Variants in FKBP10 observed in about 807,000 individuals in gnomAD.
The protein encoded by FKBP10 is peptidyl-prolyl cis-trans isomerase FKBP10.
Under a neutral mutation model 53.7 loss-of-function variants are expected in FKBP10, and 34 were observed. The ratio of observed to expected loss-of-function variants is 0.63; its 90% CI spans 0.48 to 0.84. The LOEUF is 0.84. FKBP10 is among the 40% of genes least tolerant of loss of function. The pLI is 0.00. For synonymous variants in FKBP10, 324 were observed against 335.7 expected, an observed-to-expected ratio of 0.97 and a Z score of 0.38; for missense variants, 748 against 797.8, an observed-to-expected ratio of 0.94 and a Z score of 0.75.
At chr17:41,816,989 A>G in intron 1 of FKBP10, 69 bp from the exon 2 acceptor site, 2 of 1,610,310 alleles carry the variant, frequency 1.2e-6, no homozygotes, top group Non-Finnish European at 1.7e-6. Flanking sequence ...ACACCTGTGC[A>G]TCTGTGCCAC....
At position 41,818,097 on chromosome 17, in the gene FKBP10, A is replaced by C. The variant is rs781841817; in HGVS notation, c.400A>C (p.Ile134Leu). 6 of 1,609,920 alleles carry C rather than the reference A, an allele frequency of 3.7e-6. No individual in the cohort carries two copies. The highest frequency in any genetic ancestry group is 5.1e-6 in the Non-Finnish European group (6 of 1,178,218). ...GYGSIGLAGL[I>L]PPDATLYFDV... Reference sequence around the variant, plus strand: ...CTGCTGCGCTCTCACAGCGGGGCTCATTCCACCGGATGCCACCCTCTACTT... The same window carrying C: ...CTGCTGCGCTCTCACAGCGGGGCTCCTTCCACCGGATGCCACCCTCTACTT... Residue 134 changes from isoleucine to leucine, a missense_variant, in exon 3 of 10, where the codon ATT becomes CTT. Transcript: ENST00000321562.
At chr17:41,817,697 C>T (rs905653841) in intron 2 of FKBP10, among the ~76,000 whole-genome samples, 26 of 150,714 alleles carry the variant, frequency 1.7e-4, no homozygotes, top group African/African-American at 5.4e-4. Context: ...GGTGCGATCT[C>T]GGCTCACTGC....
Position 41,818,110 on chromosome 17 carries a change from C to T in FKBP10, c.413C>T (p.Ala138Val), listed in dbSNP as rs1555616345. ...ACAGCGGGGCTCATTCCACCGGATG[C>T]CACCCTCTACTTCGATGTGGTTCTG... ...IGLAGLIPPD[A>V]TLYFDVVLLD... Residue 138 changes from alanine to valine, a missense_variant, in exon 3 of 10, where the codon GCC becomes GTC. Coordinates refer to ENST00000321562, the MANE Select transcript of FKBP10 (RefSeq NM_021939.4). The T allele has an allele frequency of 1.2e-6, 2 of 1,612,264 alleles. No homozygotes were observed. The highest frequency in any genetic ancestry group is 2.2e-5 in the East Asian group (1 of 44,824).
Position 41,822,236 on chromosome 17 carries a change from T to A in FKBP10, c.1577T>A (p.Ile526Asn), listed in dbSNP as rs782710515. 5 of 1,612,908 alleles carry A rather than the reference T, an allele frequency of 3.1e-6. No individual in the cohort carries two copies. In the East Asian group the frequency reaches 1.1e-4, roughly 36 times the overall value. ...EVPPEEFSTF[I>N]KAQVSEGKGR... is the part of the protein sequence containing the mutation. Reference sequence around the variant, plus strand: ...CCCCTGCCCCAGTTCTCCACCTTCATCAAGGCTCAAGTGAGTGAGGGCAAA... The same window carrying A: ...CCCCTGCCCCAGTTCTCCACCTTCAACAAGGCTCAAGTGAGTGAGGGCAAA... Residue 526 changes from isoleucine (I) to asparagine (N), a missense_variant, in exon 10 of 10, where the codon ATC (isoleucine) becomes AAC (asparagine). By Grantham distance (149) the Ile-to-Asn change is moderately radical. Transcript: ENST00000321562.
At position 41,819,392 on chromosome 17, in the gene FKBP10, G is replaced by A. The variant is rs1555616596; in HGVS notation, c.910G>A (p.Asp304Asn). 3 of 1,520,660 alleles carry A rather than the reference G, an allele frequency of 2.0e-6. No homozygotes were observed. Among genetic ancestry groups the A allele is most frequent in the African/African-American group, 2.8e-5 (2 of 72,478 alleles). 94.2% of individuals were successfully genotyped at this position (1,520,660 alleles called of 1,614,324 possible). The change falls in exon 5 of 10, where the codon GAT becomes AAT. Residue 304 changes from aspartate to asparagine, a missense_variant. Asp to Asn is a conservative substitution (Grantham distance 23). Coordinates refer to ENST00000321562, the MANE Select transcript of FKBP10 (RefSeq NM_021939.4). ...NGSLMDGTLF[D>N]SSYSRNHTYN... ...CTCCTTGATGGACGGCACCCTCTTC[G>A]ATTCCAGGTCAGGAGGGTCTTGAGG...
chr17:41,816,098 T>C (rs1567853515), intron 1 of FKBP10, among the ~76,000 whole-genome samples: 1 of 151,258 alleles, frequency 6.6e-6, no homozygotes, highest in Non-Finnish European at 1.5e-5. Context: ...ATTGCACCAC[T>C]GCACTCCAGC....
chr17:41,817,739 C>T (rs537351325), intron 2 of FKBP10, among the ~76,000 whole-genome samples: 11 of 151,946 alleles, frequency 7.2e-5, no homozygotes, highest in African/African-American at 2.2e-4. Context: ...AGCAGTCCTC[C>T]CTCTCAGCCT....
At chr17:41,821,117 T>C (rs2047887131) in intron 8 of FKBP10, 28 bp downstream of exon 8, 5 of 1,276,376 alleles carry the variant, frequency 3.9e-6, no homozygotes, top group Admixed American at 6.1e-5. Context: ...TAATCTTTTT[T>C]TTTTTTTTTT....
In FKBP10 at chr17:41,818,533, G is replaced by T. The variant is rs782374611; in HGVS notation, c.727+6G>T. ...CTATGGCGAGAAAGGCTATGGTGAG[G>T]GTGGGCAAGGACACAAGGGGAAATT... On this transcript the variant is annotated splice_donor_region_variant and intron_variant, in intron 4 of 9. Transcript: ENST00000321562. The T allele has an allele frequency of 5.0e-6, 8 of 1,613,970 alleles. No individual in the cohort carries two copies. Among genetic ancestry groups the T allele is most frequent in the Non-Finnish European group, 5.9e-6 (7 of 1,180,020 alleles).
At position 41,821,913 on chromosome 17, in the gene FKBP10, C is replaced by T. The variant is rs146404388; in HGVS notation, c.1563+96C>T. 9.1e-5 allele frequency: 134 copies of T among 1,474,738 alleles called. No individual in the cohort carries two copies. In the African/African-American group the frequency reaches 1.2e-3, roughly 13 times the overall value. 91.4% of individuals were successfully genotyped at this position (1,474,738 alleles called of 1,614,324 possible). A position where few individuals can be genotyped will look rare whatever the true frequency, so the allele number is the denominator to read the frequency against. On this transcript the variant is annotated intron_variant, in intron 9 of 9. Transcript: ENST00000321562. ...ACGTCCCCCGTCCGGACTGCCCACC[C>T]GCCCTGGTGCTCCTGCCTGCGCTGA...
At chr17:41,818,040 G>A (rs2047837432) in intron 2 of FKBP10, 49 bp from the exon 3 acceptor site, 1 of 1,542,508 alleles carries the variant, frequency 6.5e-7, no homozygotes, top group Non-Finnish European at 8.8e-7. Context: ...CTGGGATCGT[G>A]GTTGGCAGAG....
intron 2 of FKBP10, 145 bp from the exon 3 acceptor site, chr17:41,817,944 A>C: frequency 1.1e-6 from 1 of 900,192 alleles, no homozygotes; most frequent in Non-Finnish European, 1.7e-6. Flanking sequence ...TCTCTTAAAA[A>C]AAAAAAACAA....
rs536770641 is a variant in FKBP10 at position 41,822,566 on chromosome 17, C to T, written c.*158C>T. 2.4e-5 allele frequency: 19 copies of T among 782,210 alleles called. No homozygotes were observed. The Admixed American group carries it at 3.5e-4, about 15-fold the overall frequency. 48.5% of individuals were successfully genotyped at this position (782,210 alleles called of 1,614,324 possible). A position where few individuals can be genotyped will look rare whatever the true frequency, so the allele number is the denominator to read the frequency against. On this transcript the variant is annotated 3_prime_UTR_variant, in exon 10 of 10. Transcript: ENST00000321562. ...GAGGAGACATCTCTGGTGTTCCCAC[C>T]ACCCTAGATGAAAATCCACAGCACA... is the stretch of plus-strand genomic sequence containing the variant.
intron 1 of FKBP10, among the ~76,000 whole-genome samples, chr17:41,815,273 C>G (rs577656768): frequency 6.6e-6 from 1 of 152,290 alleles, no homozygotes; most frequent in South Asian, 2.1e-4. Flanking sequence ...CCGCCCACCT[C>G]GGCCTCCCAA....
In FKBP10 at chr17:41,818,072, C is replaced by G; in HGVS notation, c.392-17C>G. On this transcript the variant is annotated splice_polypyrimidine_tract_variant and intron_variant, in intron 2 of 9. Transcript: ENST00000321562. ...AGAGCAGAACTCTGAGACCTCCACG[C>G]TGCTGCGCTCTCACAGCGGGGCTCA... 1 of 1,585,870 alleles carries G rather than the reference C, an allele frequency of 6.3e-7. No individual in the cohort carries two copies. The highest frequency in any genetic ancestry group is 8.6e-7 in the Non-Finnish European group (1 of 1,166,084).
chr17:41,820,229 A>G (rs1555616794), intron 6 of FKBP10, 40 bp from the exon 7 acceptor site: 2 of 1,605,522 alleles, frequency 1.2e-6, no homozygotes, highest in East Asian at 2.2e-5. Context: ...AGCCTCTCCT[A>G]GTGCTCTGAG....
chr17:41,820,254 C>G lies in FKBP10; in HGVS notation c.1064-15C>G, dbSNP rs374530707. The stretch of plus-strand genomic sequence containing the variant: ...AGTGCTCTGAGCTGACCACACTCCC[C>G]CATTCTGGCCTCAGGAGACAAGATC... On this transcript the variant is annotated splice_polypyrimidine_tract_variant and intron_variant, in intron 6 of 9. Coordinates refer to ENST00000321562, the MANE Select transcript of FKBP10 (RefSeq NM_021939.4). 1.2e-6 allele frequency: 2 copies of G among 1,614,016 alleles called. No homozygotes were observed. Among genetic ancestry groups the G allele is most frequent in the Non-Finnish European group, 1.7e-6 (2 of 1,179,932 alleles).
chr17:41,814,302 T>C lies in FKBP10; in HGVS notation c.245+1023T>C, dbSNP rs555775047. On this transcript the variant is annotated intron_variant, in intron 1 of 9. Coordinates refer to ENST00000321562, the MANE Select transcript of FKBP10 (RefSeq NM_021939.4). ...AAGACCCTGGTTCAAATCCAGGCTA[T>C]GACCATGGACAGAGAATTTTGTCTC... Among the ~76,000 whole-genome samples, 493 of 152,344 alleles carry C rather than the reference T, an allele frequency of 3.2e-3. 1 individual carries two copies. Among genetic ancestry groups the C allele is most frequent in the Non-Finnish European group, 4.8e-3 (327 of 68,024 alleles).
rs892253764 is a variant in FKBP10 at position 41,822,109 on chromosome 17, G to T, written c.1564-114G>T. Reference sequence around the variant, plus strand: ...CCTTCCTGAGTTACAGGGTGCGGGGGAGCCTGGGAAAAAAGAAGAAAAAGA... The same window carrying T: ...CCTTCCTGAGTTACAGGGTGCGGGGTAGCCTGGGAAAAAAGAAGAAAAAGA... On this transcript the variant is annotated intron_variant, in intron 9 of 9. Transcript: ENST00000321562. 2.7e-6 allele frequency: 3 copies of T among 1,105,756 alleles called. No individual in the cohort carries two copies. In the African/African-American group the frequency reaches 4.7e-5, roughly 17 times the overall value. The allele number at this position is 1,105,756 out of a possible 1,614,324, so 68.5% of individuals were successfully genotyped here.
Sources: gnomAD v4.1 joint callset for allele counts (sites outside exome capture counted in the v4.1 genomes callset) on GRCh38, gnomAD v4.1.1 for gene constraint, MANE v1.5 for transcripts, NCBI Gene and HGNC (gene_info 2026-07-23, HGNC 2026-07-21) for gene names.